Variants in SLC35F4 observed in about 807,000 individuals in gnomAD.
SLC35F4 encodes the protein solute carrier family 35 member F4, also known as chromosome 14 open reading frame 36.
SLC35F4 carries 24 observed loss-of-function variants against 44.2 expected under a neutral mutation model. The ratio of observed to expected loss-of-function variants is 0.54; its 90% CI spans 0.39 to 0.76. The LOEUF (loss-of-function observed/expected upper bound fraction) is 0.76, where lower values mean the gene tolerates loss of function less well. SLC35F4 is among the 30% of genes least tolerant of loss of function. The probability of loss-of-function intolerance (pLI) is 0.00; values close to 1 mark genes in which losing one functional copy is unlikely to be tolerated. For synonymous variants in SLC35F4, 238 were observed against 223.6 expected (o/e 1.06, Z -0.57); for missense variants, 562 against 586.1 (o/e 0.96, Z 0.42).
intron 1 of SLC35F4, among the ~76,000 whole-genome samples, chr14:57,720,330 G>T (rs1242348500): frequency 1.3e-5 from 2 of 151,938 alleles, no homozygotes; most frequent in Non-Finnish European, 2.9e-5. Context: ...TTGTTTTCAG[G>T]GTACTACTGG....
intron 1 of SLC35F4, among the ~76,000 whole-genome samples, chr14:57,845,069 C>G (rs1046586881): frequency 3.9e-5 from 6 of 152,062 alleles, no homozygotes; most frequent in African/African-American, 1.5e-4. Flanking sequence ...GGAAGTAAGC[C>G]CTTTATTGGA....
At chr14:57,797,744 A>G (rs2078088125) in intron 1 of SLC35F4, among the ~76,000 whole-genome samples, 1 of 152,158 alleles carries the variant, frequency 6.6e-6, no homozygotes, top group African/African-American at 2.4e-5. Flanking sequence ...CAAACAAAAC[A>G]TGAAACACTG....
At chr14:57,576,494 G>C (rs899964313) in intron 4 of SLC35F4, among the ~76,000 whole-genome samples, 2 of 152,128 alleles carry the variant, frequency 1.3e-5, no homozygotes, top group Non-Finnish European at 2.9e-5. Context: ...TTATCTCTCT[G>C]GGTAAATTTA....
intron 1 of SLC35F4, among the ~76,000 whole-genome samples, chr14:57,620,743 A>AT (rs2072132950): frequency 6.6e-6 from 1 of 152,166 alleles, no homozygotes; most frequent in Non-Finnish European, 1.5e-5. Flanking sequence ...GGGTTGTTGA[A>AT]TTTTGTCAAA....
intron 1 of SLC35F4, among the ~76,000 whole-genome samples, chr14:57,922,299 C>T (rs1333056858): frequency 1.3e-5 from 2 of 152,200 alleles, no homozygotes; most frequent in African/African-American, 4.8e-5. Flanking sequence ...CAGAATCCAT[C>T]TGAGATAGGG....
intron 1 of SLC35F4, among the ~76,000 whole-genome samples, chr14:57,821,065 A>G (rs564473039): frequency 7.9e-5 from 12 of 152,334 alleles, no homozygotes; most frequent in African/African-American, 2.6e-4. Context: ...CAATTCACTC[A>G]TGACCCTTAA....
chr14:57,851,002 A>T, intron 1 of SLC35F4, among the ~76,000 whole-genome samples: 1 of 152,184 alleles, frequency 6.6e-6, no homozygotes, highest in Non-Finnish European at 1.5e-5. Context: ...CCTGCAAAAA[A>T]GCTAGTAGAT....
At position 57,912,499 on chromosome 14, in the gene SLC35F4, A is replaced by T. The variant is rs559105751; in HGVS notation, n.282+69414T>A. The stretch of plus-strand genomic sequence containing the variant: ...TTTATTTAGCCCAAAATATTTTTAA[A>T]TTTCTCTTGAGATTTTGCCTTTGAC... On this transcript the variant is annotated intron_variant and non_coding_transcript_variant, in intron 1 of 1. Coordinates refer to the SLC35F4 transcript ENST00000556568. Among the ~76,000 whole-genome samples, 4 of 152,034 alleles carry T rather than the reference A, an allele frequency of 2.6e-5. No individual in the cohort carries two copies. In the South Asian group the frequency reaches 8.3e-4, roughly 32 times the overall value.
intron 1 of SLC35F4, among the ~76,000 whole-genome samples, chr14:57,780,572 A>T (rs541010161): frequency 3.3e-5 from 5 of 152,170 alleles, no homozygotes; most frequent in Admixed American, 2.0e-4. Flanking sequence ...TTCTTCACAG[A>T]ACTAGAAAGA....
At chr14:57,847,392 G>A (rs1337371557) in intron 1 of SLC35F4, among the ~76,000 whole-genome samples, 2 of 152,102 alleles carry the variant, frequency 1.3e-5, no homozygotes, top group Non-Finnish European at 2.9e-5. Flanking sequence ...ATAAGAGAAG[G>A]CATTCAGGGG....
intron 1 of SLC35F4, among the ~76,000 whole-genome samples, chr14:57,640,422 T>A (rs1266071994): frequency 3.3e-5 from 5 of 152,042 alleles, no homozygotes; most frequent in Non-Finnish European, 5.9e-5. Context: ...ACATGAGGCT[T>A]GAACCAATTG....
intron 1 of SLC35F4, among the ~76,000 whole-genome samples, chr14:57,800,363 G>A (rs985326085): frequency 6.6e-5 from 10 of 152,070 alleles, no homozygotes; most frequent in Admixed American, 1.3e-4. Context: ...TTCAAATGTC[G>A]GCAACTTCAA....
intron 1 of SLC35F4, among the ~76,000 whole-genome samples, chr14:57,929,233 T>G (rs536839589): frequency 6.6e-6 from 1 of 152,218 alleles, no homozygotes; most frequent in Non-Finnish European, 1.5e-5. Context: ...CCTTGGCCTC[T>G]CTTTGTCCAG....
intron 1 of SLC35F4, among the ~76,000 whole-genome samples, chr14:57,934,135 TTC>T (rs1889752659): frequency 6.6e-6 from 1 of 152,102 alleles, no homozygotes; most frequent in East Asian, 1.9e-4. Flanking sequence ...TTAAAATTAC[TTC>T]TTTTATAATA....
intron 1 of SLC35F4, among the ~76,000 whole-genome samples, chr14:57,804,300 C>G (rs531831926): frequency 6.6e-6 from 1 of 152,102 alleles, no homozygotes. Context: ...CAAAAAAGAG[C>G]CTGAATACCA....
At chr14:57,668,706 C>A (rs1279962319) in intron 1 of SLC35F4, among the ~76,000 whole-genome samples, 1 of 152,062 alleles carries the variant, frequency 6.6e-6, no homozygotes, top group Non-Finnish European at 1.5e-5. Context: ...GTTTTAGTAC[C>A]AGTACCATGC....
chr14:57,858,836 G>A (rs916677696), intron 1 of SLC35F4, among the ~76,000 whole-genome samples: 2 of 150,330 alleles, frequency 1.3e-5, no homozygotes, highest in African/African-American at 2.5e-5. Flanking sequence ...GCTCACACCT[G>A]TAATCCCAGT....
intron 1 of SLC35F4, among the ~76,000 whole-genome samples, chr14:57,677,628 T>G (rs985518957): frequency 2.0e-5 from 3 of 152,006 alleles, no homozygotes; most frequent in African/African-American, 7.3e-5. Context: ...AAGGCAGTCT[T>G]TGAAAAACCA....
At position 57,911,346 on chromosome 14, in the gene SLC35F4, C is replaced by T. The variant is rs370616485; in HGVS notation, n.282+70567G>A. ...ATTGAAAAGCAGTGGTAAGCGGGGA[C>T]ATCTTCACCTTGTTCCTCATCTTAG... On this transcript the variant is annotated intron_variant and non_coding_transcript_variant, in intron 1 of 1. Transcript: ENST00000556568. Among the ~76,000 whole-genome samples, 5 of 152,126 alleles carry T rather than the reference C, an allele frequency of 3.3e-5. No individual in the cohort carries two copies. The South Asian group carries it at 8.3e-4, about 25-fold the overall frequency.
Sources: allele counts gnomAD v4.1 joint callset (sites outside exome capture counted in the v4.1 genomes callset), GRCh38; gene constraint gnomAD v4.1.1; transcripts MANE v1.5; gene names NCBI Gene and HGNC (gene_info 2026-07-23, HGNC 2026-07-21).